RELN: variants seen among roughly 807,000 people sequenced by gnomAD.
The protein encoded by RELN is reelin.
RELN carries 108 observed loss-of-function variants against 427.6 expected under a neutral mutation model. That is an observed-to-expected ratio of 0.25 (90% confidence interval 0.22 to 0.30). The LOEUF is 0.30. Ranked by LOEUF, RELN falls within the 10% of genes least tolerant of loss-of-function variation. The pLI, the probability that RELN is intolerant of heterozygous loss-of-function variation, is 1.00. For missense variants in RELN, 3,715 were observed against 4,302.8 expected, an observed-to-expected ratio of 0.86 and a Z score of 3.82; for synonymous variants, 1,524 against 1,513.4, an observed-to-expected ratio of 1.01 and a Z score of -0.16.
At chr7:103,585,106 T>C (rs1831240135) in intron 28 of RELN, among the ~76,000 whole-genome samples, 1 of 151,862 alleles carries the variant, frequency 6.6e-6, no homozygotes, top group African/African-American at 2.4e-5. Flanking sequence ...ATAAAAAAGA[T>C]AGAAAGATTG....
chr7:103,520,076 G>A (rs534315821), intron 48 of RELN, among the ~76,000 whole-genome samples: 1 of 151,344 alleles, frequency 6.6e-6, no homozygotes, highest in South Asian at 2.1e-4. Flanking sequence ...TAATATGAAT[G>A]TTTATTTGGG....
At chr7:103,946,623 A>G (rs1796224763) in intron 1 of RELN, among the ~76,000 whole-genome samples, 2 of 152,226 alleles carry the variant, frequency 1.3e-5, no homozygotes, top group Admixed American at 6.5e-5. Context: ...TAGTGCTTCT[A>G]CAGTCTCTTG....
chr7:103,630,840 G>GATTT (rs1554394419), intron 19 of RELN, among the ~76,000 whole-genome samples: 2 of 87,576 alleles, frequency 2.3e-5, no homozygotes, highest in Non-Finnish European at 4.5e-5. Flanking sequence ...AAAGGGCTGA[G>GATTT]TTATTTTTTT....
intron 13 of RELN, among the ~76,000 whole-genome samples, chr7:103,653,245 G>A (rs1014557809): frequency 1.3e-5 from 2 of 152,028 alleles, no homozygotes; most frequent in African/African-American, 4.8e-5. Flanking sequence ...TTGATATGAG[G>A]CATGAAGATG....
At chr7:103,500,678 C>T (rs1333798676) in intron 53 of RELN, 67 bp downstream of exon 53, 5 of 1,514,206 alleles carry the variant, frequency 3.3e-6, no homozygotes, top group East Asian at 2.3e-5. Context: ...ATGTCTCATA[C>T]ATAAGTTGGT....
At chr7:103,875,314 C>T (rs1027018623) in intron 2 of RELN, among the ~76,000 whole-genome samples, 9 of 150,074 alleles carry the variant, frequency 6.0e-5, no homozygotes, top group Admixed American at 6.7e-5. Context: ...ACTTCATGTC[C>T]AAAACACCAA....
In RELN at chr7:103,548,782, T is replaced by C. The variant is rs362774; in HGVS notation, c.6302+2285A>G. Among the ~76,000 whole-genome samples, 389 of 152,298 alleles carry C rather than the reference T, an allele frequency of 2.6e-3. 2 individuals are homozygous for C. Among genetic ancestry groups the C allele is most frequent in the African/African-American group, 8.9e-3 (372 of 41,574 alleles). ...CCAAATTATATTGTCTTGCCTTACG[T>C]GGAAACACAGCACAGTGGGCATTAC... is the stretch of plus-strand genomic sequence containing the variant. On this transcript the variant is annotated intron_variant, in intron 41 of 64. Transcript: ENST00000428762.
chr7:103,717,045 G>A (rs1056245408), intron 8 of RELN, among the ~76,000 whole-genome samples: 1 of 152,096 alleles, frequency 6.6e-6, no homozygotes, highest in Admixed American at 6.6e-5. Context: ...CTCATTAGAT[G>A]AGTGACAAAT....
At chr7:103,480,033 A>G (rs1381676701) in intron 63 of RELN, among the ~76,000 whole-genome samples, 2 of 152,210 alleles carry the variant, frequency 1.3e-5, no homozygotes, top group African/African-American at 2.4e-5. Flanking sequence ...TTGCAAAAAC[A>G]TATCAGTAGC....
At chr7:103,932,178 C>T (rs527585252) in intron 1 of RELN, among the ~76,000 whole-genome samples, 2 of 152,180 alleles carry the variant, frequency 1.3e-5, no homozygotes, top group African/African-American at 2.4e-5. Context: ...AAATATGGTA[C>T]ATACACACCA....
chr7:103,646,707 T>G (rs892732832), intron 16 of RELN, among the ~76,000 whole-genome samples: 2 of 151,886 alleles, frequency 1.3e-5, no homozygotes, highest in African/African-American at 4.8e-5. Flanking sequence ...AAGAAAATCT[T>G]GTACCAATCC....
chr7:103,566,508 T>C, intron 32 of RELN, 93 bp downstream of exon 32: 1 of 1,594,996 alleles, frequency 6.3e-7, no homozygotes, highest in Non-Finnish European at 8.6e-7. Context: ...TGTCTAGAAA[T>C]TGACAGCAAA....
intron 10 of RELN, among the ~76,000 whole-genome samples, chr7:103,691,437 A>G (rs1314897470): frequency 1.3e-5 from 2 of 152,146 alleles, no homozygotes; most frequent in Non-Finnish European, 2.9e-5. Context: ...CACTGTCAAC[A>G]TTATTTTCAA....
chr7:103,685,275 G>A (rs1833742439), intron 10 of RELN, among the ~76,000 whole-genome samples: 1 of 151,874 alleles, frequency 6.6e-6, no homozygotes, highest in Admixed American at 6.6e-5. Context: ...ACACCTATTC[G>A]AACTCCTATC....
intron 46 of RELN, among the ~76,000 whole-genome samples, chr7:103,529,046 G>T (rs1181264194): frequency 6.6e-6 from 1 of 151,608 alleles, no homozygotes; most frequent in African/African-American, 2.4e-5. Flanking sequence ...TGAGGCAGGA[G>T]AATCGCTTGA....
chr7:103,939,362 A>G (rs1015395779), intron 1 of RELN, among the ~76,000 whole-genome samples: 1 of 152,208 alleles, frequency 6.6e-6, no homozygotes, highest in African/African-American at 2.4e-5. Context: ...TGTTCAATAA[A>G]CATATAAAAA....
chr7:103,494,394 G>T (rs10232873), intron 57 of RELN, among the ~76,000 whole-genome samples: 126 of 134,506 alleles, frequency 9.4e-4, no homozygotes, highest in African/African-American at 1.6e-3. Context: ...TGTGTGTGTG[G>T]GATATGGTCT....
intron 51 of RELN, among the ~76,000 whole-genome samples, chr7:103,504,842 TGCCAACACAGCAGTCTGAG>T (rs1829153941): frequency 6.6e-6 from 1 of 152,208 alleles, no homozygotes; most frequent in Non-Finnish European, 1.5e-5. Context: ...AAATTCTCGC[TGCCAACACAGCAGTCTGAG>T]GTCGAACTGG....
chr7:103,788,978 C>T (rs1021485951), intron 3 of RELN, among the ~76,000 whole-genome samples: 1 of 152,052 alleles, frequency 6.6e-6, no homozygotes, highest in Non-Finnish European at 1.5e-5. Flanking sequence ...GGTACTGGTA[C>T]CAAAACAACA....
Sources: allele counts gnomAD v4.1 joint callset (sites outside exome capture counted in the v4.1 genomes callset), GRCh38; gene constraint gnomAD v4.1.1; transcripts MANE v1.5; gene names NCBI Gene and HGNC (gene_info 2026-07-23, HGNC 2026-07-21).